Variants in POC1B observed in about 807,000 individuals in gnomAD.
The protein encoded by POC1B is POC1 centriolar protein B.
Under a neutral mutation model 60.6 loss-of-function variants are expected in POC1B, and 44 were observed. The observed-to-expected ratio is 0.73, with a 90% confidence interval of 0.57 to 0.93. The LOEUF is 0.93. POC1B is among the 40% of genes least tolerant of loss of function. The probability of loss-of-function intolerance (pLI) is 0.00; values close to 1 mark genes in which losing one functional copy is unlikely to be tolerated. For synonymous variants in POC1B, 180 were observed against 198.9 expected (o/e 0.90, Z 0.80); for missense variants, 555 against 572.3 (o/e 0.97, Z 0.31).
At chr12:89,480,634 C>T (rs1883293739) in intron 4 of POC1B, among the ~76,000 whole-genome samples, 1 of 126,826 alleles carries the variant, frequency 7.9e-6, no homozygotes, top group African/African-American at 3.0e-5. Flanking sequence ...CGGAGTCTCA[C>T]TGTCGCCCAG....
At chr12:89,409,921 T>C in the POC1B span, among the ~76,000 whole-genome samples, 5 of 151,950 alleles carry the variant, frequency 3.3e-5, no homozygotes, top group Non-Finnish European at 7.4e-5. Context: ...TTCCAAACAA[T>C]AGAAAAAAAG....
chr12:89,522,476 C>CA (rs1870967454), intron 2 of POC1B: 1 of 349,958 alleles, frequency 2.9e-6, no homozygotes, highest in Non-Finnish European at 5.1e-6. Context: ...AATCATACCT[C>CA]ATTTTACTTG....
At chr12:89,440,432 A>G (rs1470539245) in intron 10 of POC1B, among the ~76,000 whole-genome samples, 1 of 152,250 alleles carries the variant, frequency 6.6e-6, no homozygotes, top group East Asian at 1.9e-4. Context: ...CCATGGTCAG[A>G]TCCAAATATC....
chr12:89,431,086 T>C (rs1881010788), intron 10 of POC1B, among the ~76,000 whole-genome samples: 2 of 151,992 alleles, frequency 1.3e-5, no homozygotes, highest in Non-Finnish European at 2.9e-5. Flanking sequence ...GAATAACAGA[T>C]GGATTTTTCT....
chr12:89,509,811 A>G (rs550159274), intron 2 of POC1B, among the ~76,000 whole-genome samples: 20 of 152,206 alleles, frequency 1.3e-4, no homozygotes, highest in African/African-American at 4.8e-4. Flanking sequence ...GAACCACACC[A>G]CTGCAAAAAC....
intron 4 of POC1B, among the ~76,000 whole-genome samples, chr12:89,473,713 A>C (rs1157365292): frequency 6.6e-6 from 1 of 151,908 alleles, no homozygotes; most frequent in Admixed American, 6.6e-5. Flanking sequence ...TTCAAGGAAA[A>C]ATTTTCCATG....
At chr12:89,421,286 G>A in intron 11 of POC1B, 29 bp from the exon 12 acceptor site, 1 of 1,523,232 alleles carries the variant, frequency 6.6e-7, no homozygotes, top group African/African-American at 1.4e-5. Flanking sequence ...AATAATCAAT[G>A]CCTGGTCCTC....
At chr12:89,476,031 C>T (rs1287217327) in intron 4 of POC1B, among the ~76,000 whole-genome samples, 1 of 151,306 alleles carries the variant, frequency 6.6e-6, no homozygotes, top group Non-Finnish European at 1.5e-5. Flanking sequence ...CTTAGCCTCC[C>T]AAATAACTGG....
chr12:89,423,337 T>C (rs572042500), intron 11 of POC1B, among the ~76,000 whole-genome samples: 6 of 152,250 alleles, frequency 3.9e-5, no homozygotes, highest in Admixed American at 2.0e-4. Flanking sequence ...GGGGTCTCAC[T>C]ATATTGCCCA....
rs546169323 is a variant in POC1B at position 89,524,626 on chromosome 12, G to C, written c.100+494C>G. On this transcript the variant is annotated intron_variant, in intron 2 of 11. Coordinates refer to ENST00000313546, the MANE Select transcript of POC1B (RefSeq NM_172240.3). ...GGAAGGGCGGCGGAACCCACAGCTC[G>C]AGCTCAGGTACTTCCCAGCAGGTTC... The C allele has an allele frequency of 2.7e-6, 4 of 1,463,426 alleles. No individual in the cohort carries two copies. In the African/African-American group the frequency reaches 4.2e-5, roughly 15 times the overall value. 90.7% of individuals were successfully genotyped at this position (1,463,426 alleles called of 1,614,324 possible). A position where few individuals can be genotyped will look rare whatever the true frequency, so the allele number is the denominator to read the frequency against.
rs773653479 is a variant in POC1B at position 89,522,039 on chromosome 12, A to G, written c.100+3081T>C. 2.5e-5 allele frequency: 10 copies of G among 399,026 alleles called. 1 individual carries two copies. The highest frequency in any genetic ancestry group is 6.3e-4 in the Middle Eastern group (1 of 1,588). The allele number at this position is 399,026 out of a possible 1,614,324, so 24.7% of individuals were successfully genotyped here. A position where few individuals can be genotyped will look rare whatever the true frequency, so the allele number is the denominator to read the frequency against. On this transcript the variant is annotated intron_variant, in intron 2 of 11. Coordinates refer to ENST00000313546, the MANE Select transcript of POC1B (RefSeq NM_172240.3). The stretch of plus-strand genomic sequence containing the variant: ...TACATTCATAACTTAAGGAAGTGCA[A>G]TCAGAAAATGCCCTACACACACAAA...
intron 2 of POC1B, chr12:89,523,395 A>G (rs2135780052): frequency 6.2e-7 from 1 of 1,614,030 alleles, no homozygotes; most frequent in Non-Finnish European, 8.5e-7. Context: ...CATCCATCCA[A>G]ACTTCTGCTG....
chr12:89,484,449 C>G (rs377653913), intron 4 of POC1B, among the ~76,000 whole-genome samples: 5 of 152,188 alleles, frequency 3.3e-5, no homozygotes, highest in Admixed American at 6.5e-5. Flanking sequence ...AAACTATGTG[C>G]AAATATGTGA....
rs1316867257 is a variant in POC1B, at chr12:89,526,022, G to C, written c.-127C>G. 1 of 1,537,260 alleles carries C rather than the reference G, an allele frequency of 6.5e-7. No individual in the cohort carries two copies. Among genetic ancestry groups the C allele is most frequent in the Non-Finnish European group, 8.7e-7 (1 of 1,145,724 alleles). On this transcript the variant is annotated 5_prime_UTR_variant, in exon 1 of 12. Coordinates refer to ENST00000313546, the MANE Select transcript of POC1B (RefSeq NM_172240.3). ...CTGCCCAGAGCGGCAGCGCCTCCCGGTCACTACAACAACGGCGGCCCAGTC... is the reference window on the plus strand; with the variant it reads ...CTGCCCAGAGCGGCAGCGCCTCCCGCTCACTACAACAACGGCGGCCCAGTC...
downstream of POC1B, among the ~76,000 whole-genome samples, chr12:89,417,379 C>G (rs1269860617): frequency 6.6e-6 from 1 of 152,130 alleles, no homozygotes; most frequent in African/African-American, 2.4e-5. Flanking sequence ...TTAACCAATC[C>G]AAATATTTTC....
At chr12:89,414,164 C>T in the POC1B span, among the ~76,000 whole-genome samples, 1 of 152,008 alleles carries the variant, frequency 6.6e-6, no homozygotes, top group African/African-American at 2.4e-5. Flanking sequence ...AAGTGCTGAG[C>T]TTACAGGTGT....
In POC1B at chr12:89,420,448, T is replaced by A. The variant is rs2120625910; in HGVS notation, c.*705A>T. ...GATCAGATACAACCCAAATCATTCATCTAGCACATTCATCTGTGATAGAAA... is the reference window on the plus strand; with the variant it reads ...GATCAGATACAACCCAAATCATTCAACTAGCACATTCATCTGTGATAGAAA... On this transcript the variant is annotated 3_prime_UTR_variant, in exon 12 of 12. Transcript: ENST00000313546. The A allele has an allele frequency of 6.6e-6, 1 of 152,344 alleles. No homozygotes were observed. The highest frequency in any genetic ancestry group is 1.5e-5 in the Non-Finnish European group (1 of 68,032). 9.4% of individuals were successfully genotyped at this position (152,344 alleles called of 1,614,324 possible).
chr12:89,515,433 C>G (rs1870398208), intron 2 of POC1B, among the ~76,000 whole-genome samples: 1 of 151,882 alleles, frequency 6.6e-6, no homozygotes, highest in Non-Finnish European at 1.5e-5. Context: ...CTGTGCTTGG[C>G]TTTATATCAT....
chr12:89,479,983 T>C (rs1361166408), intron 4 of POC1B, among the ~76,000 whole-genome samples: 2 of 152,226 alleles, frequency 1.3e-5, no homozygotes, highest in South Asian at 2.1e-4. Flanking sequence ...TCCCCACTGA[T>C]TGGAAATGCC....
Sources: allele counts gnomAD v4.1 joint callset (sites outside exome capture counted in the v4.1 genomes callset), GRCh38; gene constraint gnomAD v4.1.1; transcripts MANE v1.5; gene names NCBI Gene and HGNC (gene_info 2026-07-23, HGNC 2026-07-21).